The following SLMAP variants were observed in gnomAD, a reference collection of about 807,000 sequenced individuals.
SLMAP encodes the protein sarcolemma associated protein.
SLMAP carries 44 observed loss-of-function variants against 128.8 expected under a neutral mutation model. The ratio of observed to expected loss-of-function variants is 0.34; its 90% CI spans 0.27 to 0.44. SLMAP has a LOEUF of 0.44. Among genes scored for constraint, SLMAP ranks in the 20% least tolerant of loss-of-function variants. The pLI is 1.00. For missense variants in SLMAP, 787 were observed against 985.3 expected (o/e 0.80, Z 2.69); for synonymous variants, 327 against 348.8 (o/e 0.94, Z 0.70).
At chr3:57,781,769 G>A (rs531482155) in intron 2 of SLMAP, among the ~76,000 whole-genome samples, 2 of 109,046 alleles carry the variant, frequency 1.8e-5, no homozygotes, top group African/African-American at 7.3e-5. Context: ...GTTTCACTCT[G>A]TTGTCCAGGC....
intron 19 of SLMAP, among the ~76,000 whole-genome samples, chr3:57,909,574 A>G (rs2096645353): frequency 6.6e-6 from 1 of 151,260 alleles, no homozygotes; most frequent in African/African-American, 2.4e-5. Context: ...TTGATTCTCT[A>G]GAACCTCACA....
intron 4 of SLMAP, among the ~76,000 whole-genome samples, chr3:57,846,458 C>T (rs1455902214): frequency 2.6e-5 from 4 of 152,010 alleles, no homozygotes; most frequent in Non-Finnish European, 5.9e-5. Flanking sequence ...AAATTATAAC[C>T]TTGCTTTCCA....
At chr3:57,885,136 A>G (rs1575705650) in intron 14 of SLMAP, among the ~76,000 whole-genome samples, 1 of 150,534 alleles carries the variant, frequency 6.6e-6, no homozygotes, top group South Asian at 2.1e-4. Flanking sequence ...GCAATGGCAC[A>G]GTCTCGGCTC....
At chr3:57,872,532 T>C (rs1179354453) in intron 14 of SLMAP, among the ~76,000 whole-genome samples, 3 of 151,988 alleles carry the variant, frequency 2.0e-5, no homozygotes, top group African/African-American at 7.3e-5. Context: ...GGCAGGAGAA[T>C]TGCTTGAACC....
At chr3:57,896,722 C>T in intron 16 of SLMAP, 131 bp downstream of exon 16, 2 of 1,272,786 alleles carry the variant, frequency 1.6e-6, no homozygotes, top group East Asian at 2.4e-5. Context: ...CAAGTCATCC[C>T]CTTTGAATGC....
intron 21 of SLMAP, among the ~76,000 whole-genome samples, chr3:57,913,815 G>A (rs914797680): frequency 3.3e-5 from 5 of 151,896 alleles, no homozygotes; most frequent in African/African-American, 9.7e-5. Flanking sequence ...AAAATTTACC[G>A]GGCATAGTGA....
intron 2 of SLMAP, among the ~76,000 whole-genome samples, chr3:57,767,738 A>G (rs1447230377): frequency 6.6e-6 from 1 of 152,206 alleles, no homozygotes; most frequent in African/African-American, 2.4e-5. Flanking sequence ...TTTGTACAAG[A>G]TCATCTAGTG....
At position 57,858,152 on chromosome 3, in the gene SLMAP, G is replaced by T; in HGVS notation, c.680G>T (p.Cys227Phe). Reference sequence around the variant, plus strand: ...GTTATGGGAAACCAATTACAGGCATGCTCCAAAGTAGGTATTAACCTCAAA... The same window carrying T: ...GTTATGGGAAACCAATTACAGGCATTCTCCAAAGTAGGTATTAACCTCAAA... ...LEVMGNQLQACSKNQTEDSLR... is the reference protein window; with the variant it reads ...LEVMGNQLQAFSKNQTEDSLR... Residue 227 changes from cysteine (C) to phenylalanine (F), a missense_variant, in exon 8 of 25, where the codon TGC (cysteine) becomes TTC (phenylalanine). Around this residue, in one of 2 missense-constraint regions of SLMAP, gnomAD observed 715 missense variants for 843.6 expected, o/e 0.85. Transcript: ENST00000671191. 1 of 1,581,220 alleles carries T rather than the reference G, an allele frequency of 6.3e-7. No homozygotes were observed. Among genetic ancestry groups the T allele is most frequent in the East Asian group, 2.2e-5 (1 of 44,598 alleles).
chr3:57,844,452 C>T lies in SLMAP; in HGVS notation c.420-2745C>T, dbSNP rs73088379. Among the ~76,000 whole-genome samples the T allele has an allele frequency of 8.6e-3, 1,308 of 151,950 alleles. 13 individuals carry two copies. Among genetic ancestry groups the T allele is most frequent in the South Asian group, 0.052 (248 of 4,812 alleles). On this transcript the variant is annotated intron_variant, in intron 4 of 24. Transcript: ENST00000671191. ...ATTGCATATAATCCCACCACTCTAACACTAAGTAACTATTTTCATTTTCCA... is the reference window on the plus strand; with the variant it reads ...ATTGCATATAATCCCACCACTCTAATACTAAGTAACTATTTTCATTTTCCA...
intron 2 of SLMAP, among the ~76,000 whole-genome samples, chr3:57,829,043 G>A (rs1411431431): frequency 1.3e-5 from 2 of 151,972 alleles, no homozygotes; most frequent in East Asian, 1.9e-4. Flanking sequence ...TTGGCCTCCC[G>A]AAGTGCTGAG....
In SLMAP at chr3:57,927,542, A is replaced by G. The variant is rs905122160; in HGVS notation, c.*253A>G. ...GGGTCATTGCTTTAAATTATATAAA[A>G]TGTATCTGTCTATAAAGAAGATATA... is the stretch of plus-strand genomic sequence containing the variant. On this transcript the variant is annotated 3_prime_UTR_variant, in exon 25 of 25. Coordinates refer to ENST00000671191, the MANE Select transcript of SLMAP (RefSeq NM_001377540.1). 3 of 389,268 alleles carry G rather than the reference A, an allele frequency of 7.7e-6. No homozygotes were observed. The highest frequency in any genetic ancestry group is 2.1e-5 in the African/African-American group (1 of 48,606). The allele number at this position is 389,268 out of a possible 1,614,324, so 24.1% of individuals were successfully genotyped here.
intron 14 of SLMAP, among the ~76,000 whole-genome samples, chr3:57,887,907 A>C (rs1231144225): frequency 6.6e-6 from 1 of 152,202 alleles, no homozygotes; most frequent in African/African-American, 2.4e-5. Context: ...TCTGGTTGGA[A>C]GCTAGAAGAC....
chr3:57,798,931 A>G (rs1197928584), intron 2 of SLMAP, among the ~76,000 whole-genome samples: 2 of 152,194 alleles, frequency 1.3e-5, no homozygotes, highest in Admixed American at 6.5e-5. Context: ...CACTCAGTTT[A>G]TAGTTGCAGT....
chr3:57,825,742 C>G (rs1300113900), intron 2 of SLMAP, among the ~76,000 whole-genome samples: 2 of 152,120 alleles, frequency 1.3e-5, no homozygotes, highest in Admixed American at 1.3e-4. Context: ...AAGGTCTGCT[C>G]TGCTCCCTCT....
At chr3:57,891,156 C>T (rs1383431511) in intron 15 of SLMAP, 3 of 150,022 alleles carry the variant, frequency 2.0e-5, no homozygotes, top group African/African-American at 7.4e-5. Flanking sequence ...ATCCAAATAC[C>T]TATTCAGATT....
At chr3:57,852,407 CCCTCATTT>C (rs2094540669) in intron 6 of SLMAP, among the ~76,000 whole-genome samples, 1 of 152,116 alleles carries the variant, frequency 6.6e-6, no homozygotes, top group African/African-American at 2.4e-5. Context: ...AGCCAAAATT[CCCTCATTT>C]AATCCTTGGC....
chr3:57,889,958 G>GTCA, intron 14 of SLMAP, 83 bp from the exon 15 acceptor site: 1 of 910,440 alleles, frequency 1.1e-6, no homozygotes, highest in Admixed American at 1.8e-5. Flanking sequence ...TTTAAATTTG[G>GTCA]TCATGGAATG....
chr3:57,808,274 CTTAGT>C (rs1332744887), intron 2 of SLMAP, among the ~76,000 whole-genome samples: 1 of 151,852 alleles, frequency 6.6e-6, no homozygotes, highest in Admixed American at 6.6e-5. Context: ...CTGCTCTCAT[CTTAGT>C]TATTTCTTGT....
chr3:57,788,533 G>T (rs2084739060), intron 2 of SLMAP, among the ~76,000 whole-genome samples: 1 of 152,160 alleles, frequency 6.6e-6, no homozygotes, highest in African/African-American at 2.4e-5. Flanking sequence ...AGGGAAGTTT[G>T]TATATCGCTA....
Sources: gnomAD v4.1 joint callset for allele counts (sites outside exome capture counted in the v4.1 genomes callset) on GRCh38, gnomAD v4.1.1 for gene constraint, gnomAD v4.1.1 regional missense constraint, MANE v1.5 for transcripts, NCBI Gene and HGNC (gene_info 2026-07-23, HGNC 2026-07-21) for gene names.